KLHL6: variants seen among roughly 807,000 people sequenced by gnomAD.
The protein encoded by KLHL6 is kelch-like protein 6.
KLHL6 carries 41 observed loss-of-function variants against 58.6 expected under a neutral mutation model. The ratio of observed to expected loss-of-function variants is 0.70; its 90% CI spans 0.55 to 0.91. The LOEUF is 0.91. Among genes scored for constraint, KLHL6 ranks in the 40% least tolerant of loss-of-function variants. The pLI, the probability that KLHL6 is intolerant of heterozygous loss-of-function variation, is 0.00. For synonymous variants in KLHL6, 338 were observed against 322.7 expected, an observed-to-expected ratio of 1.05 and a Z score of -0.51; for missense variants, 714 against 805.6, an observed-to-expected ratio of 0.89 and a Z score of 1.38.
chr3:183,508,160 A>G lies in KLHL6; in HGVS notation c.808T>C (p.Tyr270His). The change falls in exon 3 of 7, where the codon TAC becomes CAC. Residue 270 changes from tyrosine to histidine, a missense_variant. Physicochemically the swap from Tyr to His is moderately conservative, Grantham distance 83. This residue lies in a region of KLHL6 where 510 missense variants were observed against 629.7 expected (regional missense o/e 0.81). Coordinates refer to ENST00000341319, the MANE Select transcript of KLHL6 (RefSeq NM_130446.4). ...NVRLPLLDPWYFVETVEADPL... is the reference protein window; with the variant it reads ...NVRLPLLDPWHFVETVEADPL... ...TCTGCTTCCACCGTCTCCACAAAGT[A>G]CCACGGGTCCAGAAGCGGTAAGCGC... 2 of 1,614,214 alleles carry G rather than the reference A, an allele frequency of 1.2e-6. No homozygotes were observed. The highest frequency in any genetic ancestry group is 1.7e-6 in the Non-Finnish European group (2 of 1,180,042).
rs565321517 is a variant in KLHL6, at chr3:183,532,409, T to C, written c.294-4399A>G. 9.2e-5 allele frequency among the ~76,000 whole-genome samples: 14 copies of C among 152,356 alleles called. No homozygotes were observed. In the South Asian group the frequency reaches 1.2e-3, roughly 14 times the overall value. On this transcript the variant is annotated intron_variant, in intron 1 of 6. Transcript: ENST00000341319. ...TCTGTTGTTTAAGCCACATAGTCCA[T>C]AGTATTTTGTTATGGCAGCCCAAGC...
chr3:183,548,632 T>C (rs746575862), intron 1 of KLHL6: 4 of 152,236 alleles, frequency 2.6e-5, no homozygotes, highest in Non-Finnish European at 5.9e-5. Context: ...TTAATCATTA[T>C]TACATATTAA....
intron 2 of KLHL6, among the ~76,000 whole-genome samples, chr3:183,514,215 A>G (rs2108678025): frequency 6.6e-6 from 1 of 152,358 alleles, no homozygotes. Flanking sequence ...GGAGTGTGGA[A>G]GGACACTTGA....
chr3:183,501,765 T>G (rs181407054), intron 3 of KLHL6, among the ~76,000 whole-genome samples: 82 of 152,312 alleles, frequency 5.4e-4, no homozygotes, highest in African/African-American at 1.9e-3. Context: ...CCACTTACCC[T>G]TTAAGGCACT....
chr3:183,538,266 A>G (rs1712430297), intron 1 of KLHL6, among the ~76,000 whole-genome samples: 1 of 152,118 alleles, frequency 6.6e-6, no homozygotes, highest in African/African-American at 2.4e-5. Flanking sequence ...ACTCCATTAT[A>G]GCTGACCCCT....
intron 2 of KLHL6, among the ~76,000 whole-genome samples, chr3:183,516,595 T>G (rs10804891): frequency 0.45 from 68,591 of 152,136 alleles, 17,477 homozygotes; most frequent in Non-Finnish European, 0.58. Context: ...CACTGCCTGT[T>G]CCTCATCTCC....
chr3:183,522,029 A>G (rs1162457545), intron 2 of KLHL6, among the ~76,000 whole-genome samples: 4 of 149,704 alleles, frequency 2.7e-5, no homozygotes, highest in Non-Finnish European at 4.5e-5. Flanking sequence ...TAGTTCAGGC[A>G]AAATAGCTGC....
intron 1 of KLHL6, among the ~76,000 whole-genome samples, chr3:183,542,588 G>A (rs903633006): frequency 6.6e-5 from 10 of 152,106 alleles, no homozygotes; most frequent in South Asian, 4.2e-4. Context: ...TCTTTCTTCC[G>A]TCTGATTTAA....
chr3:183,509,695 G>C (rs1031885247), intron 2 of KLHL6, among the ~76,000 whole-genome samples: 3 of 152,276 alleles, frequency 2.0e-5, no homozygotes, highest in African/African-American at 7.2e-5. Context: ...CCACACAGAG[G>C]CTTTTAAAGC....
intron 1 of KLHL6, among the ~76,000 whole-genome samples, chr3:183,538,287 T>G (rs1712431000): frequency 6.6e-6 from 1 of 152,102 alleles, no homozygotes; most frequent in South Asian, 2.1e-4. Context: ...TCCCTAGAAC[T>G]CCACACCTCT....
chr3:183,551,122 GAAA>G (rs35352469), intron 1 of KLHL6, among the ~76,000 whole-genome samples: 109 of 131,636 alleles, frequency 8.3e-4, no homozygotes, highest in East Asian at 6.4e-3. Flanking sequence ...CTCTGTCTCA[GAAA>G]AAAAAAAAAA....
In KLHL6 at chr3:183,555,492, G is replaced by C. The variant is rs761518099; in HGVS notation, c.162C>G (p.Leu54=). 6.2e-7 allele frequency: 1 copy of C among 1,614,144 alleles called. No homozygotes were observed. The highest frequency in any genetic ancestry group is 1.1e-5 in the South Asian group (1 of 91,080). The change falls in exon 1 of 7, where the codon CTC becomes CTG. Residue 54 remains leucine (L), a synonymous_variant. Coordinates refer to ENST00000341319, the MANE Select transcript of KLHL6 (RefSeq NM_130446.4). Reference sequence around the variant, plus strand: ...CCAGGCCATTCTGAAGAATTAAGGAGAGTCCCGCGTCGTCAAATTTGACCT... The same window carrying C: ...CCAGGCCATTCTGAAGAATTAAGGACAGTCCCGCGTCGTCAAATTTGACCT... ...GEKVKFDDAG[L]SLILQNGLET...
In KLHL6 at chr3:183,504,416, A is replaced by G. The variant is rs192609653; in HGVS notation, c.909+3643T>C. Reference sequence around the variant, plus strand: ...TGCCTGACTCCAAGCCCAGGTTCTCACCACTGAAGAATTTTCCAGATGTCA... The same window carrying G: ...TGCCTGACTCCAAGCCCAGGTTCTCGCCACTGAAGAATTTTCCAGATGTCA... On this transcript the variant is annotated intron_variant, in intron 3 of 6. Transcript: ENST00000341319. 2.7e-3 allele frequency among the ~76,000 whole-genome samples: 409 copies of G among 152,304 alleles called. 4 individuals carry two copies. The highest frequency in any genetic ancestry group is 4.6e-3 in the Admixed American group (71 of 15,300).
chr3:183,549,591 C>G (rs908735534), intron 1 of KLHL6, among the ~76,000 whole-genome samples: 2 of 152,228 alleles, frequency 1.3e-5, no homozygotes, highest in Non-Finnish European at 2.9e-5. Context: ...TCACTGCAAC[C>G]TCCGCCTCCC....
rs1158755155 is a variant in KLHL6 at position 183,553,986 on chromosome 3, AAAAAAG to A, written c.293+1369_293+1374del. Among the ~76,000 whole-genome samples, 12 of 152,240 alleles carry A rather than the reference AAAAAAG, an allele frequency of 7.9e-5. No individual in the cohort carries two copies. In the East Asian group the frequency reaches 1.7e-3, roughly 22 times the overall value. On this transcript the variant is annotated intron_variant, in intron 1 of 6. Coordinates refer to ENST00000341319, the MANE Select transcript of KLHL6 (RefSeq NM_130446.4). ...TTCCCCCCAAGCACCTCAAAAAAAA[AAAAAAG>A]AAAGAAAGAAAACGCTTTCCATAAT...
Position 183,528,013 on chromosome 3 carries a change from G to A in KLHL6, c.294-3C>T, listed in dbSNP as rs1306115485. 6.2e-7 allele frequency: 1 copy of A among 1,613,870 alleles called. No homozygotes were observed. Among genetic ancestry groups the A allele is most frequent in the Non-Finnish European group, 8.5e-7 (1 of 1,179,980 alleles). The stretch of plus-strand genomic sequence containing the variant: ...TTAAATCGTTGCAGAACATGGCCCT[G>A]GAAGAGAAATGTGTGAATGTGAATC... On this transcript the variant is annotated splice_polypyrimidine_tract_variant and splice_region_variant and intron_variant, in intron 1 of 6. Coordinates refer to ENST00000341319, the MANE Select transcript of KLHL6 (RefSeq NM_130446.4).
chr3:183,501,393 G>A lies in KLHL6; in HGVS notation c.910-1566C>T, dbSNP rs552624995. Reference sequence around the variant, plus strand: ...GCACTAATCTATGTGGTCCTCTTTCGGAGGGGATCTAGGTGTTTCAGGGCA... The same window carrying A: ...GCACTAATCTATGTGGTCCTCTTTCAGAGGGGATCTAGGTGTTTCAGGGCA... On this transcript the variant is annotated intron_variant, in intron 3 of 6. Transcript: ENST00000341319. 1.7e-4 allele frequency among the ~76,000 whole-genome samples: 26 copies of A among 152,292 alleles called. No homozygotes were observed. In the South Asian group the frequency reaches 5.2e-3, roughly 30 times the overall value.
At chr3:183,531,436 TG>T (rs1463951566) in intron 1 of KLHL6, among the ~76,000 whole-genome samples, 3 of 149,694 alleles carry the variant, frequency 2.0e-5, no homozygotes, top group Non-Finnish European at 4.4e-5. Flanking sequence ...GTTCTTTTTT[TG>T]TCTGTGTTTT....
intron 2 of KLHL6, among the ~76,000 whole-genome samples, chr3:183,509,586 T>G (rs1394808675): frequency 6.6e-6 from 1 of 152,198 alleles, no homozygotes; most frequent in South Asian, 2.1e-4. Context: ...ACCCACTATG[T>G]GTTCTTCACG....
Sources: allele counts gnomAD v4.1 joint callset (sites outside exome capture counted in the v4.1 genomes callset), GRCh38; gene constraint gnomAD v4.1.1; regional missense constraint gnomAD v4.1.1; transcripts MANE v1.5; gene names NCBI Gene and HGNC (gene_info 2026-07-23, HGNC 2026-07-21).